Variants in SHISA9 observed in about 807,000 individuals in gnomAD.
SHISA9 encodes protein shisa-9.
In SHISA9, 13 loss-of-function variants were observed where a neutral mutation model predicts 38.0. The ratio of observed to expected loss-of-function variants is 0.34; its 90% CI spans 0.22 to 0.54. The LOEUF (loss-of-function observed/expected upper bound fraction) is 0.54, where lower values mean the gene tolerates loss of function less well. Ranked by LOEUF, SHISA9 falls within the 20% of genes least tolerant of loss-of-function variation. SHISA9 has a pLI of 0.91. For synonymous variants in SHISA9, 275 were observed against 242.0 expected, an observed-to-expected ratio of 1.14 and a Z score of -1.27; for missense variants, 538 against 575.8, an observed-to-expected ratio of 0.93 and a Z score of 0.67.
the SHISA9 span, among the ~76,000 whole-genome samples, chr16:13,476,738 G>GGTTTTTT: frequency 4.6e-5 from 3 of 65,230 alleles, no homozygotes; most frequent in African/African-American, 1.6e-4. Context: ...CCTGTTTTGT[G>GGTTTTTT]TTTTTTTTTT....
chr16:13,122,151 G>A (rs1008551717), intron 2 of SHISA9, among the ~76,000 whole-genome samples: 43 of 152,168 alleles, frequency 2.8e-4, no homozygotes, highest in African/African-American at 9.4e-4. Context: ...TGCTTTTGTT[G>A]AAGAAGTAAA....
At chr16:12,938,411 A>T (rs1596539248) in intron 2 of SHISA9, among the ~76,000 whole-genome samples, 1 of 152,080 alleles carries the variant, frequency 6.6e-6, no homozygotes, top group African/African-American at 2.4e-5. Context: ...TTCCACTCCC[A>T]TGACTCTTTC....
rs141183877 is a variant in SHISA9, at chr16:12,931,870, G to A, written c.691+15055G>A. 2.6e-3 allele frequency among the ~76,000 whole-genome samples: 399 copies of A among 152,254 alleles called. 3 individuals are homozygous for A. Among genetic ancestry groups the A allele is most frequent in the African/African-American group, 9.1e-3 (376 of 41,546 alleles). On this transcript the variant is annotated intron_variant, in intron 2 of 4. Transcript: ENST00000558583. The stretch of plus-strand genomic sequence containing the variant: ...TACTCAGGGTAAAAGTAATGATATC[G>A]TTTGGCTGTGTCCCCACCCAAATCT...
the SHISA9 span, among the ~76,000 whole-genome samples, chr16:13,413,244 A>C: frequency 1.3e-5 from 2 of 152,360 alleles, no homozygotes; most frequent in East Asian, 3.9e-4. Context: ...ATCAAATATC[A>C]GTGAATTTGA....
chr16:13,441,535 A>T, the SHISA9 span, among the ~76,000 whole-genome samples: 1 of 152,318 alleles, frequency 6.6e-6, no homozygotes, highest in Non-Finnish European at 1.5e-5. Flanking sequence ...CCATGCATGG[A>T]GATCAATGCC....
At chr16:13,497,879 G>A in the SHISA9 span, among the ~76,000 whole-genome samples, 3 of 151,884 alleles carry the variant, frequency 2.0e-5, no homozygotes, top group African/African-American at 4.8e-5. Context: ...GAGAAAACAA[G>A]CTTTAAATAC....
At chr16:13,160,886 T>C (rs1347780967) in intron 2 of SHISA9, among the ~76,000 whole-genome samples, 3 of 152,160 alleles carry the variant, frequency 2.0e-5, no homozygotes, top group Non-Finnish European at 4.4e-5. Context: ...AAATCAACAC[T>C]TTCCTTTTCA....
chr16:13,301,150 G>A, the SHISA9 span, among the ~76,000 whole-genome samples: 4 of 152,148 alleles, frequency 2.6e-5, no homozygotes, highest in African/African-American at 9.7e-5. Flanking sequence ...AATTTGTGGT[G>A]CCGACCATCT....
At chr16:13,262,237 G>T in the SHISA9 span, among the ~76,000 whole-genome samples, 1 of 152,178 alleles carries the variant, frequency 6.6e-6, no homozygotes, top group East Asian at 1.9e-4. Context: ...TTTCTGAAAA[G>T]AATGGGATTG....
Position 13,207,779 on chromosome 16 carries a change from G to A in SHISA9, c.847+4230G>A, listed in dbSNP as rs191090148. The stretch of plus-strand genomic sequence containing the variant: ...TCCCATAATAAATGTTCTTTCAAGG[G>A]TTCTTTGTTAAAGCATAATGTGATC... On this transcript the variant is annotated intron_variant, in intron 3 of 4. Coordinates refer to ENST00000558583, the MANE Select transcript of SHISA9 (RefSeq NM_001145204.3). 6.6e-5 allele frequency among the ~76,000 whole-genome samples: 10 copies of A among 152,246 alleles called. No homozygotes were observed. In the East Asian group the frequency reaches 1.9e-3, roughly 29 times the overall value.
the SHISA9 span, among the ~76,000 whole-genome samples, chr16:13,273,887 G>T: frequency 1.5e-4 from 23 of 152,216 alleles, no homozygotes; most frequent in African/African-American, 5.3e-4. Flanking sequence ...TCTGGAATCG[G>T]AAATCACTTT....
At chr16:13,050,144 G>A (rs11859818) in intron 2 of SHISA9, among the ~76,000 whole-genome samples, 23,377 of 151,962 alleles carry the variant, frequency 0.15, 3,056 homozygotes, top group African/African-American at 0.34. Flanking sequence ...AAAATGCATG[G>A]TTACAAAATC....
intron 3 of SHISA9, among the ~76,000 whole-genome samples, chr16:13,211,265 C>G (rs896763853): frequency 6.6e-6 from 1 of 150,954 alleles, no homozygotes; most frequent in Admixed American, 6.6e-5. Context: ...GAGATTGTGC[C>G]ACTGCACTCC....
At chr16:12,936,905 C>G (rs2141751659) in intron 2 of SHISA9, among the ~76,000 whole-genome samples, 1 of 152,250 alleles carries the variant, frequency 6.6e-6, no homozygotes, top group East Asian at 1.9e-4. Flanking sequence ...CATTGACACC[C>G]TTGACACACA....
intron 2 of SHISA9, among the ~76,000 whole-genome samples, chr16:13,027,681 T>C (rs566939985): frequency 2.0e-5 from 3 of 151,590 alleles, no homozygotes; most frequent in African/African-American, 4.8e-5. Context: ...GAGTGTATAG[T>C]GTTGGGAGGC....
At position 12,902,617 on chromosome 16, in the gene SHISA9, C is replaced by G. The variant is rs757752188; in HGVS notation, c.553C>G (p.His185Asp). The stretch of plus-strand genomic sequence containing the variant: ...GAAAGCGCACCGGCCCCAAAGGGAG[C>G]ACATGTCCAGGTGGGCTGCCTCCCC... Reference protein sequence around the residue: ...LEKAHRPQREHMSRALADVMR... With the variant: ...LEKAHRPQREDMSRALADVMR... The change falls in exon 1 of 5, where the codon CAC becomes GAC. Residue 185 changes from histidine to aspartate, a missense_variant. By Grantham distance (81) the His-to-Asp change is moderately conservative (BLOSUM62 -1). Coordinates refer to ENST00000558583, the MANE Select transcript of SHISA9 (RefSeq NM_001145204.3). 2 of 1,547,528 alleles carry G rather than the reference C, an allele frequency of 1.3e-6. No homozygotes were observed. Among genetic ancestry groups the G allele is most frequent in the African/African-American group, 2.7e-5 (2 of 73,010 alleles).
rs377011608 is a variant in SHISA9, at chr16:13,128,082, C to A, written c.692-75312C>A. Among the ~76,000 whole-genome samples the A allele has an allele frequency of 3.3e-5, 5 of 152,118 alleles. No homozygotes were observed. In the East Asian group the frequency reaches 7.7e-4, roughly 23 times the overall value. ...TCATTAAGATAATTAGATGCCCAGA[C>A]GGAGTTTAAATACTATTAAGAGTTT... On this transcript the variant is annotated intron_variant, in intron 2 of 4. Coordinates refer to ENST00000558583, the MANE Select transcript of SHISA9 (RefSeq NM_001145204.3).
the SHISA9 span, among the ~76,000 whole-genome samples, chr16:13,321,575 T>G: frequency 6.6e-6 from 1 of 152,230 alleles, no homozygotes; most frequent in African/African-American, 2.4e-5. Flanking sequence ...AAGGGAATAG[T>G]ACAAAGGAGA....
At chr16:13,198,306 TTGTGTG>T in intron 2 of SHISA9, among the ~76,000 whole-genome samples, 1 of 149,622 alleles carries the variant, frequency 6.7e-6, no homozygotes, top group Non-Finnish European at 1.5e-5. Flanking sequence ...ACATATATAC[TTGTGTG>T]TATATGCATA....
Sources: allele counts gnomAD v4.1 joint callset (sites outside exome capture counted in the v4.1 genomes callset), GRCh38; gene constraint gnomAD v4.1.1; transcripts MANE v1.5; gene names NCBI Gene and HGNC (gene_info 2026-07-23, HGNC 2026-07-21).